PDE11A: variants seen among roughly 807,000 people sequenced by gnomAD.
The protein encoded by PDE11A is phosphodiesterase 11A.
Under a neutral mutation model 100.5 loss-of-function variants are expected in PDE11A, and 100 were observed. The ratio of observed to expected loss-of-function variants is 1.00; its 90% CI spans 0.85 to 1.18. PDE11A has a LOEUF of 1.18. PDE11A is among the 50% of genes most tolerant of loss of function. The pLI is 0.00. For missense variants in PDE11A, 1,141 were observed against 1,152.6 expected, an observed-to-expected ratio of 0.99 and a Z score of 0.15; for synonymous variants, 381 against 420.8, an observed-to-expected ratio of 0.91 and a Z score of 1.16.
intron 2 of PDE11A, among the ~76,000 whole-genome samples, chr2:177,911,610 G>A (rs1205397035): frequency 2.0e-5 from 3 of 152,140 alleles, no homozygotes; most frequent in Non-Finnish European, 4.4e-5. Flanking sequence ...GGGGCCAGGC[G>A]CGGTGGCTTA....
intron 17 of PDE11A, among the ~76,000 whole-genome samples, chr2:177,670,328 T>G (rs2080658369): frequency 1.3e-5 from 2 of 152,212 alleles, no homozygotes; most frequent in Admixed American, 1.3e-4. Flanking sequence ...TTTCTACTTT[T>G]AATCCATTAG....
intron 2 of PDE11A, among the ~76,000 whole-genome samples, chr2:177,955,948 A>G (rs544306471): frequency 2.1e-3 from 320 of 152,358 alleles, no homozygotes; most frequent in African/African-American, 7.0e-3. Flanking sequence ...ACCTAAAACC[A>G]TAAAAACCCT....
At chr2:177,719,692 G>C (rs1480832052) in intron 12 of PDE11A, among the ~76,000 whole-genome samples, 1 of 152,112 alleles carries the variant, frequency 6.6e-6, no homozygotes, top group Admixed American at 6.6e-5. Flanking sequence ...CAGAAAGGCA[G>C]TATTTACAGA....
At chr2:177,793,926 T>C (rs1269957334) in intron 9 of PDE11A, among the ~76,000 whole-genome samples, 1 of 152,176 alleles carries the variant, frequency 6.6e-6, no homozygotes, top group African/African-American at 2.4e-5. Flanking sequence ...GGAAACACAA[T>C]GCCTTTAAAC....
rs569659163 is a variant in PDE11A, at chr2:177,728,104, G to T, written c.1857C>A (p.Asp619Glu). 3.7e-6 allele frequency: 6 copies of T among 1,612,016 alleles called. No homozygotes were observed. In the South Asian group the frequency reaches 6.6e-5, roughly 18 times the overall value. The change falls in exon 11 of 20, where the codon GAC becomes GAA. Residue 619 changes from aspartate (D) to glutamate (E), a missense_variant. Physicochemically the swap from Asp to Glu is conservative, Grantham distance 45. Transcript: ENST00000286063. ...DDIHFDDFSL[D>E]VDAMITAALR... The stretch of plus-strand genomic sequence containing the variant: ...GAGCAGCTGTGATCATGGCATCAAC[G>T]TCGAGAGAAAAGTCATCAAAATGAA...
chr2:177,955,931 A>G (rs1486434162), intron 2 of PDE11A, among the ~76,000 whole-genome samples: 1 of 152,218 alleles, frequency 6.6e-6, no homozygotes, highest in Non-Finnish European at 1.5e-5. Context: ...AAAGACTTAA[A>G]TGTTAGACCT....
At chr2:177,703,239 G>A (rs1387231649) in intron 13 of PDE11A, among the ~76,000 whole-genome samples, 6 of 151,918 alleles carry the variant, frequency 3.9e-5, no homozygotes, top group East Asian at 3.9e-4. Flanking sequence ...TCTACCATGC[G>A]GTAGTCTATA....
chr2:177,659,146 T>C (rs1559130045), intron 19 of PDE11A, among the ~76,000 whole-genome samples: 1 of 151,424 alleles, frequency 6.6e-6, no homozygotes, highest in Non-Finnish European at 1.5e-5. Flanking sequence ...CTGTAATCTC[T>C]GCTACTCAGG....
At chr2:177,925,232 T>G (rs1034640021) in intron 2 of PDE11A, among the ~76,000 whole-genome samples, 3 of 151,546 alleles carry the variant, frequency 2.0e-5, no homozygotes, top group African/African-American at 7.3e-5. Context: ...TATAGTCCTT[T>G]GGGTATATAC....
At chr2:177,964,368 C>G (rs565488634) in intron 2 of PDE11A, among the ~76,000 whole-genome samples, 28 of 152,052 alleles carry the variant, frequency 1.8e-4, no homozygotes, top group Non-Finnish European at 3.7e-4. Flanking sequence ...CTACTTAACT[C>G]TATTTCTATT....
chr2:177,931,031 CA>C (rs2085198647), intron 2 of PDE11A, among the ~76,000 whole-genome samples: 1 of 152,180 alleles, frequency 6.6e-6, no homozygotes, highest in African/African-American at 2.4e-5. Context: ...TTTTCCCCAA[CA>C]AGAACATCTT....
chr2:178,011,722 GT>G (rs1477115999), intron 2 of PDE11A, among the ~76,000 whole-genome samples: 2 of 152,176 alleles, frequency 1.3e-5, no homozygotes, highest in African/African-American at 4.8e-5. Flanking sequence ...AACTTACTAA[GT>G]CCTAAGTTCT....
intron 1 of PDE11A, among the ~76,000 whole-genome samples, chr2:178,027,973 T>C (rs1037917081): frequency 2.0e-5 from 3 of 152,158 alleles, no homozygotes; most frequent in African/African-American, 7.2e-5. Flanking sequence ...TGTAAAAGAT[T>C]GCTGTGAACA....
rs2087357798 is a variant in PDE11A, at chr2:178,086,526, A to G, written c.162+17776T>C. ...AGATGGGCATACATGATTTAAAATG[A>G]CCACCCTATTTTTATGATCAAACAG... On this transcript the variant is annotated intron_variant, in intron 2 of 20. Transcript: ENST00000358450. 2.6e-5 allele frequency among the ~76,000 whole-genome samples: 4 copies of G among 152,214 alleles called. No homozygotes were observed. In the South Asian group the frequency reaches 8.3e-4, roughly 32 times the overall value.
At chr2:177,659,786 T>G (rs929916395) in intron 19 of PDE11A, among the ~76,000 whole-genome samples, 9 of 152,208 alleles carry the variant, frequency 5.9e-5, no homozygotes, top group Middle Eastern at 3.4e-3. Context: ...TCTTCTTTTT[T>G]TTTTTCCCCC....
chr2:178,081,826 C>T (rs965924741), intron 2 of PDE11A, among the ~76,000 whole-genome samples: 3 of 152,222 alleles, frequency 2.0e-5, no homozygotes, highest in African/African-American at 7.2e-5. Flanking sequence ...ATCATTTCCA[C>T]ACTTACTGTC....
intron 9 of PDE11A, among the ~76,000 whole-genome samples, chr2:177,790,779 TG>T (rs2082618360): frequency 6.6e-6 from 1 of 152,156 alleles, no homozygotes; most frequent in Admixed American, 6.5e-5. Flanking sequence ...AAAAGACGCA[TG>T]AAAAAATGCT....
At chr2:177,786,034 G>A (rs1328997062) in intron 9 of PDE11A, among the ~76,000 whole-genome samples, 1 of 152,184 alleles carries the variant, frequency 6.6e-6, no homozygotes, top group African/African-American at 2.4e-5. Flanking sequence ...GAAGAGAGCA[G>A]TGGTTCTCCC....
intron 14 of PDE11A, among the ~76,000 whole-genome samples, chr2:177,700,868 T>A (rs1487245482): frequency 6.6e-6 from 1 of 152,194 alleles, no homozygotes; most frequent in African/African-American, 2.4e-5. Context: ...CTATATCTGT[T>A]ACCCTGCTAA....
Sources: gnomAD v4.1 joint callset for allele counts (sites outside exome capture counted in the v4.1 genomes callset) on GRCh38, gnomAD v4.1.1 for gene constraint, MANE v1.5 for transcripts, NCBI Gene and HGNC (gene_info 2026-07-23, HGNC 2026-07-21) for gene names.